UTP20: variants seen among roughly 807,000 people sequenced by gnomAD.
The protein encoded by UTP20 is UTP20 small subunit processome component.
UTP20 carries 164 observed loss-of-function variants against 329.5 expected under a neutral mutation model. That is an observed-to-expected ratio of 0.50 (90% CI 0.44 to 0.57). The LOEUF is 0.57. Among genes scored for constraint, UTP20 ranks in the 20% least tolerant of loss-of-function variants. UTP20 has a pLI of 0.00. For missense variants in UTP20, 3,055 were observed against 3,284.2 expected (o/e 0.93, Z 1.71); for synonymous variants, 1,151 against 1,159.3 (o/e 0.99, Z 0.14).
chr12:101,317,175 G>A (rs922526944), intron 21 of UTP20, among the ~76,000 whole-genome samples: 3 of 152,288 alleles, frequency 2.0e-5, no homozygotes, highest in Admixed American at 6.5e-5. Context: ...TCATCCCCCA[G>A]TGGTGGTTCC....
intron 36 of UTP20, 24 bp downstream of exon 36, chr12:101,344,774 A>G: frequency 1.2e-6 from 2 of 1,606,968 alleles, no homozygotes; most frequent in Non-Finnish European, 8.5e-7. Flanking sequence ...TGTTTTAGGC[A>G]CTACTGTCTG....
intron 26 of UTP20, among the ~76,000 whole-genome samples, chr12:101,328,030 C>A (rs1333240281): frequency 1.3e-5 from 2 of 152,180 alleles, no homozygotes; most frequent in Non-Finnish European, 2.9e-5. Flanking sequence ...CAAACTCAGA[C>A]CTTTCTGGTT....
In UTP20 at chr12:101,369,822, G is replaced by T; in HGVS notation, c.6486G>T (p.Leu2162=). The change falls in exon 49 of 62, where the codon CTG becomes CTT. Residue 2162 remains leucine, a synonymous_variant. Coordinates refer to ENST00000261637, the MANE Select transcript of UTP20 (RefSeq NM_014503.3). ...AGCTGACAAAACACCTCTTCCTTCT[G>T]CTGAAGGACTATGCAAAGCTCGGGG... ...AEQLTKHLFL[L]LKDYAKLGAA... 6.2e-7 allele frequency: 1 copy of T among 1,614,048 alleles called. No individual in the cohort carries two copies.
rs1870247607 is a variant in UTP20, at chr12:101,370,441, A to G, written c.6565A>G (p.Ile2189Val). Reference sequence around the variant, plus strand: ...CTATTGTAACTTGCAGTGTGTGACCATACTTGTCAAGAAAGTCAAGTCTTA... The same window carrying G: ...CTATTGTAACTTGCAGTGTGTGACCGTACTTGTCAAGAAAGTCAAGTCTTA... The part of the protein sequence containing the change: ...LVVNCFKCVT[I>V]LVKKVKSYQI... Residue 2189 changes from isoleucine to valine, a missense_variant, in exon 50 of 62, where the codon ATA (isoleucine) becomes GTA (valine). Around this residue, in one of 3 missense-constraint regions of UTP20, gnomAD observed 273 missense variants for 363.1 expected, o/e 0.75. Transcript: ENST00000261637. The G allele has an allele frequency of 1.2e-6, 2 of 1,613,530 alleles. No homozygotes were observed. Among genetic ancestry groups the G allele is most frequent in the African/African-American group, 1.3e-5 (1 of 74,928 alleles).
chr12:101,383,516 A>T (rs764364302), intron 59 of UTP20, 27 bp from the exon 60 acceptor site: 52 of 1,604,848 alleles, frequency 3.2e-5, no homozygotes, highest in Non-Finnish European at 4.3e-6. Flanking sequence ...AAGTCTTTCA[A>T]ATGAAAAAAA....
intron 40 of UTP20, among the ~76,000 whole-genome samples, chr12:101,354,284 A>G (rs201188667): frequency 7.8e-6 from 1 of 127,510 alleles, no homozygotes; most frequent in Non-Finnish European, 1.5e-5. Flanking sequence ...AAAAAAAAAA[A>G]GAAAAGAAAT....
rs769278795 is a variant in UTP20 at position 101,300,031 on chromosome 12, A to C, written c.1645A>C (p.Met549Leu). The change falls in exon 14 of 62, where the codon ATG (methionine) becomes CTG (leucine). Residue 549 changes from methionine (M) to leucine (L), a missense_variant. Coordinates refer to ENST00000261637, the MANE Select transcript of UTP20 (RefSeq NM_014503.3). The part of the protein sequence containing the change: ...LVTGFIEALF[M>L]TVDKGSFGKG... The stretch of plus-strand genomic sequence containing the variant: ...CACCGGCTTCATAGAGGCACTCTTC[A>C]TGACTGTTGACAAAGGAAGCTTTGG... The C allele has an allele frequency of 6.2e-7, 1 of 1,614,054 alleles. No individual in the cohort carries two copies. Among genetic ancestry groups the C allele is most frequent in the African/African-American group, 1.3e-5 (1 of 74,936 alleles).
At chr12:101,290,014 T>C (rs1225929713) in intron 6 of UTP20, 123 bp from the exon 7 acceptor site, 1 of 752,762 alleles carries the variant, frequency 1.3e-6, no homozygotes, top group Non-Finnish European at 2.0e-6. Flanking sequence ...AAATGTCTGT[T>C]CTTTTCACAA....
rs12582796 is a variant in UTP20, at chr12:101,349,068, T to A, written c.4884+2480T>A. ...TTTTTTCCTTCCAGTACTTTAAAGATGGTGCTCAACTGTATTCTGGCTTGT... is the reference window on the plus strand; with the variant it reads ...TTTTTTCCTTCCAGTACTTTAAAGAAGGTGCTCAACTGTATTCTGGCTTGT... On this transcript the variant is annotated intron_variant, in intron 38 of 61. Transcript: ENST00000261637. 9.7e-3 allele frequency among the ~76,000 whole-genome samples: 1,477 copies of A among 152,274 alleles called. 22 individuals are homozygous for A. The highest frequency in any genetic ancestry group is 0.08 in the East Asian group (414 of 5,186).
chr12:101,365,747 G>GA, intron 46 of UTP20, 122 bp downstream of exon 46: 1 of 702,774 alleles, frequency 1.4e-6, no homozygotes, highest in African/African-American at 1.9e-5. Flanking sequence ...TTCTCAGATG[G>GA]TACTTTATGG....
chr12:101,377,916 T>G (rs778195403), intron 56 of UTP20, among the ~76,000 whole-genome samples: 1 of 152,154 alleles, frequency 6.6e-6, no homozygotes, highest in African/African-American at 2.4e-5. Flanking sequence ...AATGAGATCA[T>G]GTTCATGAAA....
Position 101,329,291 on chromosome 12 carries a change from A to G in UTP20, c.3259A>G (p.Lys1087Glu), listed in dbSNP as rs1266173274. The change falls in exon 27 of 62, where the codon AAA becomes GAA. Residue 1087 changes from lysine (K) to glutamate (E), a missense_variant. Physicochemically the swap from Lys to Glu is moderately conservative, Grantham distance 56. Coordinates refer to ENST00000261637, the MANE Select transcript of UTP20 (RefSeq NM_014503.3). ...AGCAGTAGAAGACTTGGATTTGTCT[A>G]AAGTTCTTCCTTTAGGTCGTCAGCA... ...IQAVEDLDLS[K>E]VLPLGRQHGI... is the part of the protein sequence containing the mutation. 6 of 1,614,078 alleles carry G rather than the reference A, an allele frequency of 3.7e-6. No individual in the cohort carries two copies. In the African/African-American group the frequency reaches 4.0e-5, roughly 11 times the overall value.
intron 21 of UTP20, among the ~76,000 whole-genome samples, chr12:101,316,355 C>T (rs565825136): frequency 7.9e-5 from 12 of 152,004 alleles, no homozygotes; most frequent in South Asian, 2.1e-4. Context: ...ATGCTGTTCA[C>T]GGAGATAAAG....
intron 18 of UTP20, 21 bp from the exon 19 acceptor site, chr12:101,309,742 A>G: frequency 3.1e-6 from 5 of 1,609,074 alleles, no homozygotes; most frequent in Non-Finnish European, 4.3e-6. Context: ...CCAATACTAA[A>G]CTAGTCTTTT....
intron 32 of UTP20, among the ~76,000 whole-genome samples, chr12:101,341,819 C>A (rs1869148886): frequency 6.6e-6 from 1 of 152,090 alleles, no homozygotes; most frequent in Non-Finnish European, 1.5e-5. Flanking sequence ...GCAGGAGAAT[C>A]GCTTGAACCC....
chr12:101,363,678 T>C lies in UTP20; in HGVS notation c.5893T>C (p.Tyr1965His), dbSNP rs766103136. The part of the protein sequence containing the change: ...EARRSKSYDS[Y>H]EILGKFVGKD... ...ACGAAGAAGCAAAAGTTACGACTCT[T>C]ATGAAATCCTCGGCAAGTTTGTAGG... The change falls in exon 45 of 62, where the codon TAT becomes CAT. Residue 1965 changes from tyrosine (Y) to histidine (H), a missense_variant. Transcript: ENST00000261637. 8.7e-6 allele frequency: 14 copies of C among 1,613,478 alleles called. No homozygotes were observed. The Admixed American group carries it at 2.0e-4, about 23-fold the overall frequency.
At chr12:101,286,927 A>G (rs1011564903) in intron 5 of UTP20, among the ~76,000 whole-genome samples, 1 of 152,190 alleles carries the variant, frequency 6.6e-6, no homozygotes, top group African/African-American at 2.4e-5. Flanking sequence ...CCTGTTTTAA[A>G]CACTGACATT....
Position 101,305,965 on chromosome 12 carries a change from A to T in UTP20, c.1832A>T (p.Gln611Leu), listed in dbSNP as rs775877103. 2 of 1,613,760 alleles carry T rather than the reference A, an allele frequency of 1.2e-6. No homozygotes were observed. Among genetic ancestry groups the T allele is most frequent in the Non-Finnish European group, 1.7e-6 (2 of 1,179,840 alleles). The part of the protein sequence containing the change: ...SVLLLTDLYY[Q>L]RLALCGCKGP... ...TTGCTGTTGACTGATCTCTATTATC[A>T]GAGATTAGCCTTGTGTGGCTGCAAA... The change falls in exon 16 of 62, where the codon CAG becomes CTG. Residue 611 changes from glutamine (Q) to leucine (L), a missense_variant. Transcript: ENST00000261637.
At position 101,290,747 on chromosome 12, in the gene UTP20, T is replaced by G; in HGVS notation, c.750T>G (p.Ile250Met). Residue 250 changes from isoleucine to methionine, a missense_variant, in exon 8 of 62, where the codon ATT becomes ATG. Physicochemically the swap from Ile to Met is conservative, Grantham distance 10. Coordinates refer to ENST00000261637, the MANE Select transcript of UTP20 (RefSeq NM_014503.3). Reference protein sequence around the residue: ...HSCTGQAVKLILRKLGPVTET... With the variant: ...HSCTGQAVKLMLRKLGPVTET... ...TATTCCCACAGGCAGTGAAGCTAAT[T>G]TTGCGAAAGCTAGGACCAGTCACTG... 6.2e-7 allele frequency: 1 copy of G among 1,605,660 alleles called. No homozygotes were observed. The highest frequency in any genetic ancestry group is 1.7e-4 in the Middle Eastern group (1 of 6,010).
Sources: allele counts gnomAD v4.1 joint callset (sites outside exome capture counted in the v4.1 genomes callset), GRCh38; gene constraint gnomAD v4.1.1; regional missense constraint gnomAD v4.1.1; transcripts MANE v1.5; gene names NCBI Gene and HGNC (gene_info 2026-07-23, HGNC 2026-07-21).